The following SEMA5A variants were observed in gnomAD, a reference collection of about 807,000 sequenced individuals.
SEMA5A encodes the protein semaphorin-5A.
In SEMA5A, 55 loss-of-function variants were observed where a neutral mutation model predicts 135.5. The ratio of observed to expected loss-of-function variants is 0.41; its 90% CI spans 0.33 to 0.51. The LOEUF (loss-of-function observed/expected upper bound fraction) is 0.51, where lower values mean the gene tolerates loss of function less well. Ranked by LOEUF, SEMA5A falls within the 20% of genes least tolerant of loss-of-function variation. The pLI is 0.37. For synonymous variants in SEMA5A, 580 were observed against 546.5 expected, an observed-to-expected ratio of 1.06 and a Z score of -0.85; for missense variants, 1,290 against 1,419.9, an observed-to-expected ratio of 0.91 and a Z score of 1.47.
At chr5:9,353,973 TAAA>T (rs56154322) in intron 3 of SEMA5A, among the ~76,000 whole-genome samples, 3 of 139,202 alleles carry the variant, frequency 2.2e-5, no homozygotes, top group African/African-American at 2.6e-5. Context: ...AAGCACGTGT[TAAA>T]AAAAAAAAAA....
chr5:9,102,726 A>C (rs1739697152), intron 16 of SEMA5A, among the ~76,000 whole-genome samples: 1 of 152,214 alleles, frequency 6.6e-6, no homozygotes, highest in African/African-American at 2.4e-5. Context: ...ATTAAAATTT[A>C]TACGAAAATA....
At chr5:9,447,117 G>C (rs1460428526) in intron 1 of SEMA5A, among the ~76,000 whole-genome samples, 1 of 152,212 alleles carries the variant, frequency 6.6e-6, no homozygotes, top group African/African-American at 2.4e-5. Context: ...AACAGAACAG[G>C]CAGTAGATTT....
At chr5:9,277,572 C>T (rs1750326785) in intron 5 of SEMA5A, among the ~76,000 whole-genome samples, 1 of 152,100 alleles carries the variant, frequency 6.6e-6, no homozygotes, top group African/African-American at 2.4e-5. Flanking sequence ...ACTCAAATGC[C>T]CATCAATGAT....
At chr5:9,448,831 C>A (rs1435458014) in intron 1 of SEMA5A, among the ~76,000 whole-genome samples, 1 of 152,176 alleles carries the variant, frequency 6.6e-6, no homozygotes, top group African/African-American at 2.4e-5. Context: ...GCTGGCTTTT[C>A]TGTTTCTCCC....
intron 2 of SEMA5A, among the ~76,000 whole-genome samples, chr5:9,425,328 G>A (rs1024944997): frequency 7.2e-5 from 11 of 152,152 alleles, no homozygotes; most frequent in South Asian, 2.1e-4. Context: ...TCTTGCTTAC[G>A]TGCATATCGC....
chr5:9,075,443 GGATA>G, intron 16 of SEMA5A, among the ~76,000 whole-genome samples: 1 of 152,076 alleles, frequency 6.6e-6, no homozygotes, highest in East Asian at 1.9e-4. Flanking sequence ...ATCAGCAGAT[GGATA>G]GCTAAACGAA....
At chr5:9,259,288 T>G (rs925356267) in intron 5 of SEMA5A, among the ~76,000 whole-genome samples, 2 of 152,246 alleles carry the variant, frequency 1.3e-5, no homozygotes, top group Non-Finnish European at 2.9e-5. Flanking sequence ...TTTCCCCACA[T>G]GTTCACTTGA....
At chr5:9,365,378 A>G (rs1754871277) in intron 3 of SEMA5A, among the ~76,000 whole-genome samples, 1 of 152,188 alleles carries the variant, frequency 6.6e-6, no homozygotes, top group South Asian at 2.1e-4. Context: ...CAAACCATCA[A>G]CATTTTGAAT....
intron 2 of SEMA5A, among the ~76,000 whole-genome samples, chr5:9,436,094 G>A (rs1051100863): frequency 5.9e-5 from 9 of 152,166 alleles, no homozygotes; most frequent in African/African-American, 2.2e-4. Context: ...TAAGCTCTCT[G>A]TGCCTCAATT....
intron 12 of SEMA5A, among the ~76,000 whole-genome samples, chr5:9,146,906 G>A (rs988677312): frequency 6.6e-6 from 1 of 152,134 alleles, no homozygotes; most frequent in Non-Finnish European, 1.5e-5. Flanking sequence ...TCATTCTGAG[G>A]GGATAATATT....
intron 3 of SEMA5A, among the ~76,000 whole-genome samples, chr5:9,365,647 A>G (rs1013896187): frequency 1.4e-4 from 21 of 152,068 alleles, no homozygotes; most frequent in African/African-American, 5.1e-4. Flanking sequence ...GTTTTTTTCC[A>G]TTCTCCCTTG....
intron 1 of SEMA5A, among the ~76,000 whole-genome samples, chr5:9,480,195 C>G (rs551305727): frequency 9.9e-5 from 15 of 152,140 alleles, no homozygotes; most frequent in Non-Finnish European, 1.6e-4. Flanking sequence ...CAGATGTCCC[C>G]TGAGGGCAAA....
At chr5:9,477,777 G>A (rs1228691559) in intron 1 of SEMA5A, among the ~76,000 whole-genome samples, 4 of 152,320 alleles carry the variant, frequency 2.6e-5, no homozygotes, top group South Asian at 2.1e-4. Context: ...ATATTTAAAA[G>A]GGAAGCAGAA....
At chr5:9,456,922 T>C (rs1391857866) in intron 1 of SEMA5A, among the ~76,000 whole-genome samples, 4 of 152,210 alleles carry the variant, frequency 2.6e-5, no homozygotes, top group Non-Finnish European at 5.9e-5. Flanking sequence ...CGCACTTTTC[T>C]ACAGAGCAAC....
At chr5:9,365,637 G>GT (rs1331326173) in intron 3 of SEMA5A, among the ~76,000 whole-genome samples, 2 of 152,098 alleles carry the variant, frequency 1.3e-5, no homozygotes, top group Non-Finnish European at 2.9e-5. Flanking sequence ...ATAAATGGTG[G>GT]TTTTTTTCCA....
intron 19 of SEMA5A, among the ~76,000 whole-genome samples, chr5:9,053,285 T>C (rs1736695969): frequency 6.6e-6 from 1 of 152,206 alleles, no homozygotes; most frequent in African/African-American, 2.4e-5. Context: ...GGCTGGCTCC[T>C]ATGAGGTGCA....
chr5:9,222,535 C>T (rs2150411961), intron 8 of SEMA5A, among the ~76,000 whole-genome samples: 1 of 152,266 alleles, frequency 6.6e-6, no homozygotes, highest in South Asian at 2.1e-4. Context: ...TATTCATTGT[C>T]ATGCAAATTG....
At chr5:9,252,453 C>T (rs1269397677) in intron 5 of SEMA5A, among the ~76,000 whole-genome samples, 2 of 152,140 alleles carry the variant, frequency 1.3e-5, no homozygotes, top group African/African-American at 2.4e-5. Context: ...AGACAAAGAA[C>T]ATGCACGGAT....
chr5:9,438,441 C>T (rs747067041), intron 1 of SEMA5A, among the ~76,000 whole-genome samples: 6 of 152,170 alleles, frequency 3.9e-5, no homozygotes, highest in African/African-American at 7.2e-5. Flanking sequence ...TGTCCAATCT[C>T]GTCATTCAAT....
Sources: allele counts gnomAD v4.1 joint callset (sites outside exome capture counted in the v4.1 genomes callset), GRCh38; gene constraint gnomAD v4.1.1; transcripts MANE v1.5; gene names NCBI Gene and HGNC (gene_info 2026-07-23, HGNC 2026-07-21).